Variants in POC1B observed in about 807,000 individuals in gnomAD.
POC1B encodes POC1 centriolar protein B, also known as POC1 centriolar protein homolog B.
In POC1B, 44 loss-of-function variants were observed where a neutral mutation model predicts 60.6. The ratio of observed to expected loss-of-function variants is 0.73; its 90% CI spans 0.57 to 0.93. The LOEUF is 0.93. Ranked by LOEUF, POC1B falls within the 40% of genes least tolerant of loss-of-function variation. The pLI, the probability that POC1B is intolerant of heterozygous loss-of-function variation, is 0.00. For synonymous variants in POC1B, 180 were observed against 198.9 expected (o/e 0.90, Z 0.80); for missense variants, 555 against 572.3 (o/e 0.97, Z 0.31).
chr12:89,420,456 A>T lies in POC1B; in HGVS notation c.*697T>A, dbSNP rs138891643. ...ACAACCCAAATCATTCATCTAGCAC[A>T]TTCATCTGTGATAGAAAGATAGGTG... On this transcript the variant is annotated 3_prime_UTR_variant, in exon 12 of 12. Transcript: ENST00000313546. The T allele has an allele frequency of 1.9e-3, 291 of 152,346 alleles. No homozygotes were observed. The highest frequency in any genetic ancestry group is 6.9e-3 in the African/African-American group (288 of 41,586). The allele number at this position is 152,346 out of a possible 1,614,324, so 9.4% of individuals were successfully genotyped here.
At chr12:89,505,326 A>C (rs10777177) in intron 2 of POC1B, among the ~76,000 whole-genome samples, 75,183 of 152,046 alleles carry the variant, frequency 0.49, 18,746 homozygotes, top group East Asian at 0.58. Flanking sequence ...ACTTCTAGGA[A>C]TATACCCACA....
At chr12:89,517,073 T>G (rs1415267198) in intron 2 of POC1B, among the ~76,000 whole-genome samples, 2 of 151,376 alleles carry the variant, frequency 1.3e-5, no homozygotes, top group Non-Finnish European at 2.9e-5. Flanking sequence ...TTAAACCCAC[T>G]ATAGCTTCAA....
intron 4 of POC1B, among the ~76,000 whole-genome samples, chr12:89,474,987 C>T (rs1188146791): frequency 6.6e-6 from 1 of 152,122 alleles, no homozygotes. Flanking sequence ...CTTGTCAGTA[C>T]CTGGCACTGG....
At chr12:89,447,410 AT>A (rs1308558686) in intron 10 of POC1B, among the ~76,000 whole-genome samples, 1 of 152,080 alleles carries the variant, frequency 6.6e-6, no homozygotes. Context: ...CATATCTTGA[AT>A]TTTTTCAGTA....
At chr12:89,481,889 A>G (rs1868375994) in intron 4 of POC1B, among the ~76,000 whole-genome samples, 1 of 152,130 alleles carries the variant, frequency 6.6e-6, no homozygotes, top group African/African-American at 2.4e-5. Context: ...TAAAGACTAC[A>G]CTAGATCCAC....
intron 9 of POC1B, among the ~76,000 whole-genome samples, chr12:89,464,496 T>TTTG (rs980446415): frequency 7.0e-6 from 1 of 143,754 alleles, no homozygotes; most frequent in African/African-American, 2.6e-5. Flanking sequence ...TTTTTTTTTT[T>TTTG]TTTTTTTTTG....
downstream of POC1B, among the ~76,000 whole-genome samples, chr12:89,415,312 T>C (rs1880345041): frequency 6.6e-6 from 1 of 152,180 alleles, no homozygotes; most frequent in African/African-American, 2.4e-5. Flanking sequence ...AAATCATACT[T>C]TTTGGAAATG....
chr12:89,502,418 G>T, intron 2 of POC1B: 1 of 1,437,764 alleles, frequency 7.0e-7, no homozygotes, highest in Non-Finnish European at 9.8e-7. Flanking sequence ...GTGATTAGTG[G>T]AATACTATCT....
At chr12:89,512,670 G>A (rs746154672) in intron 2 of POC1B, among the ~76,000 whole-genome samples, 44 of 152,152 alleles carry the variant, frequency 2.9e-4, no homozygotes, top group Admixed American at 1.6e-3. Context: ...GGAGGCGGGC[G>A]GCTGGAGCTT....
At chr12:89,465,089 A>G (rs1303765435) in intron 9 of POC1B, among the ~76,000 whole-genome samples, 1 of 152,154 alleles carries the variant, frequency 6.6e-6, no homozygotes, top group Non-Finnish European at 1.5e-5. Flanking sequence ...GTTTAATAGA[A>G]TTTTTAGGGG....
chr12:89,429,985 T>A (rs1465367188), intron 10 of POC1B, among the ~76,000 whole-genome samples: 2 of 152,208 alleles, frequency 1.3e-5, no homozygotes, highest in Non-Finnish European at 2.9e-5. Context: ...AGACATGGTA[T>A]CTTCCTTCAT....
chr12:89,467,649 C>T lies in POC1B; in HGVS notation c.847G>A (p.Glu283Lys), dbSNP rs138333122. The change falls in exon 8 of 12, where the codon GAG becomes AAG. Residue 283 changes from glutamate to lysine, a missense_variant. Physicochemically the swap from Glu to Lys is moderately conservative, Grantham distance 56. Transcript: ENST00000313546. ...TCTGCACCTCCTGATGCAAATAGCT[C>T]TCCACCTTTTGAAAATGAAACAGTA... ...VFTVSFSKGG[E>K]LFASGGADTQ... The T allele has an allele frequency of 1.7e-5, 28 of 1,612,208 alleles. No homozygotes were observed. The highest frequency in any genetic ancestry group is 2.2e-5 in the Non-Finnish European group (26 of 1,178,902).
chr12:89,514,682 G>C (rs910626405), intron 2 of POC1B, among the ~76,000 whole-genome samples: 5 of 151,938 alleles, frequency 3.3e-5, no homozygotes, highest in African/African-American at 1.2e-4. Context: ...TGCTGGGATT[G>C]CAGGCATAAG....
rs183378526 is a variant in POC1B, at chr12:89,424,955, G to C, written c.1332+206C>G. ...TACAAATGGCTTAAGCTGTGTGAGT[G>C]TGTGTGTGTGTGCACGTGTGCACAC... On this transcript the variant is annotated intron_variant, in intron 11 of 11. Transcript: ENST00000313546. 1.0e-2 allele frequency among the ~76,000 whole-genome samples: 1,515 copies of C among 152,052 alleles called. 8 individuals carry two copies. Among genetic ancestry groups the C allele is most frequent in the Non-Finnish European group, 0.015 (1,045 of 67,940 alleles).
At chr12:89,446,688 C>T (rs1230008517) in intron 10 of POC1B, among the ~76,000 whole-genome samples, 1 of 149,540 alleles carries the variant, frequency 6.7e-6, no homozygotes, top group Non-Finnish European at 1.5e-5. Flanking sequence ...CAACATGGCA[C>T]ATGTACATAT....
At chr12:89,418,760 C>T (rs1484604265), downstream of POC1B, among the ~76,000 whole-genome samples, 1 of 152,208 alleles carries the variant, frequency 6.6e-6, no homozygotes, top group East Asian at 1.9e-4. Flanking sequence ...CCTTCACTTT[C>T]CACCATGAGT....
intron 10 of POC1B, among the ~76,000 whole-genome samples, chr12:89,436,262 T>C (rs1356631897): frequency 6.6e-6 from 1 of 152,118 alleles, no homozygotes; most frequent in Non-Finnish European, 1.5e-5. Context: ...CAGGAAGTTT[T>C]TAAAGAGGAA....
In POC1B at chr12:89,497,298, G is replaced by A. The variant is rs1338976126; in HGVS notation, c.145C>T (p.Pro49Ser). Reference sequence around the variant, plus strand: ...ACATATCTGTAAGCTCTAGCATGTGGCTTGAAATTCCATAGCATGAGAAAG... The same window carrying A: ...ACATATCTGTAAGCTCTAGCATGTGACTTGAAATTCCATAGCATGAGAAAG... ...DTFLMLWNFK[P>S]HARAYRYVGH... The change falls in exon 3 of 12, where the codon CCA becomes TCA. Residue 49 changes from proline (P) to serine (S), a missense_variant. Coordinates refer to ENST00000313546, the MANE Select transcript of POC1B (RefSeq NM_172240.3). The A allele has an allele frequency of 5.6e-6, 9 of 1,612,790 alleles. No homozygotes were observed. The highest frequency in any genetic ancestry group is 7.6e-6 in the Non-Finnish European group (9 of 1,179,928).
chr12:89,524,012 CT>C (rs1406263719), intron 2 of POC1B: 5 of 1,613,572 alleles, frequency 3.1e-6, no homozygotes, highest in Non-Finnish European at 4.2e-6. Flanking sequence ...TTCAAATAAA[CT>C]CTGTCACTCA....
Sources: allele counts gnomAD v4.1 joint callset (sites outside exome capture counted in the v4.1 genomes callset), GRCh38; gene constraint gnomAD v4.1.1; transcripts MANE v1.5; gene names NCBI Gene and HGNC (gene_info 2026-07-23, HGNC 2026-07-21).